SYDE2: variants seen among roughly 807,000 people sequenced by gnomAD.
SYDE2 encodes the protein synapse defective Rho GTPase homolog 2, also known as rho GTPase-activating protein SYDE2.
SYDE2 carries 76 observed loss-of-function variants against 91.5 expected under a neutral mutation model. The observed-to-expected ratio is 0.83, with a 90% confidence interval of 0.69 to 1.01. SYDE2 has a LOEUF of 1.01. SYDE2 is among the 50% of genes least tolerant of loss of function. The probability of loss-of-function intolerance (pLI) is 0.00; values close to 1 mark genes in which losing one functional copy is unlikely to be tolerated. For synonymous variants in SYDE2, 513 were observed against 506.4 expected (o/e 1.01, Z -0.18); for missense variants, 1,364 against 1,367.7 (o/e 1.00, Z 0.04).
rs778149797 is a variant in SYDE2, at chr1:85,158,805, A to C, written c.3530T>G (p.Leu1177Trp). 6.5e-6 allele frequency: 5 copies of C among 765,962 alleles called. No homozygotes were observed. The Middle Eastern group carries it at 6.9e-4, about 106-fold the overall frequency. 47.4% of individuals were successfully genotyped at this position (765,962 alleles called of 1,614,324 possible). The change falls in exon 7 of 7, where the codon TTG (leucine) becomes TGG (tryptophan). Residue 1177 changes from leucine (L) to tryptophan (W), a missense_variant. Physicochemically the swap from Leu to Trp is moderately conservative, Grantham distance 61. Transcript: ENST00000341460. ...LKDLQESIDT[L>W]IGNLERELNK... ...GAGCTCACGTTCCAGATTTCCAATC[A>C]AAGTATCAATACTTTCTTGTAGATC...
rs753600714 is a variant in SYDE2 at position 85,159,299 on chromosome 1, T to TA, written c.3086-51dup. 2,774 of 609,610 alleles carry TA rather than the reference T, an allele frequency of 4.6e-3. 1 individual carries two copies. Among genetic ancestry groups the TA allele is most frequent in the Admixed American group, 7.7e-3 (318 of 41,074 alleles). The allele number at this position is 609,610 out of a possible 1,614,324, so 37.8% of individuals were successfully genotyped here. On this transcript the variant is annotated intron_variant, in intron 6 of 6. Transcript: ENST00000341460. ...TTAGTGACAGTAATCCAACTGAACT[T>TA]AAAAAAAAAACAGAGCTAAAGATAA...
chr1:85,182,594 C>T lies in SYDE2; in HGVS notation c.2048G>A (p.Ser683Asn). ...ATCCTCAGCACCATAGAAATGTACA[C>T]TCATGAGCCCAGATATGTACTGTGA... ...KCSQYISGLM[S>N]VHFYGAEDLK... Residue 683 changes from serine (S) to asparagine (N), a missense_variant, in exon 3 of 7, where the codon AGT becomes AAT. Ser to Asn is a conservative substitution (Grantham distance 46). Transcript: ENST00000341460. 6.2e-7 allele frequency: 1 copy of T among 1,613,928 alleles called. No individual in the cohort carries two copies. Among genetic ancestry groups the T allele is most frequent in the Non-Finnish European group, 8.5e-7 (1 of 1,179,856 alleles).
intron 2 of SYDE2, among the ~76,000 whole-genome samples, chr1:85,185,001 A>T (rs1015773371): frequency 3.3e-5 from 5 of 151,796 alleles, no homozygotes; most frequent in African/African-American, 1.2e-4. Context: ...AAATTCAACC[A>T]TTTTCTTTGC....
intron 2 of SYDE2, among the ~76,000 whole-genome samples, chr1:85,188,472 C>T (rs1208646335): frequency 6.6e-6 from 1 of 152,142 alleles, no homozygotes; most frequent in East Asian, 1.9e-4. Context: ...ACATTTACTC[C>T]ACCTTCCTAT....
chr1:85,159,772 C>A (rs1656991581), intron 6 of SYDE2: 1 of 859,432 alleles, frequency 1.2e-6, no homozygotes, highest in Non-Finnish European at 1.4e-6. Context: ...CTAAGCAGAT[C>A]AAATTTCACT....
In SYDE2 at chr1:85,182,671, T is replaced by G. The variant is rs752338377; in HGVS notation, c.1971A>C (p.Glu657Asp). Residue 657 changes from glutamate (E) to aspartate (D), a missense_variant, in exon 3 of 7, where the codon GAA becomes GAC. Physicochemically the swap from Glu to Asp is conservative, Grantham distance 45. Coordinates refer to ENST00000341460, the MANE Select transcript of SYDE2 (RefSeq NM_032184.2). ...AATGCCTAAAAGCATCAATGTCTAT[T>G]TCATTCTTGCTACAACTATTTGAAA... ...EIISNSCSKN[E>D]IDIDAFRHYS... 9 of 1,613,740 alleles carry G rather than the reference T, an allele frequency of 5.6e-6. No homozygotes were observed. In the South Asian group the frequency reaches 9.9e-5, roughly 18 times the overall value.
intron 6 of SYDE2, among the ~76,000 whole-genome samples, chr1:85,163,921 A>T (rs1657167182): frequency 6.6e-6 from 1 of 152,180 alleles, no homozygotes; most frequent in Non-Finnish European, 1.5e-5. Flanking sequence ...TTAGTTATTG[A>T]TTGAAATAAG....
chr1:85,178,582 G>A (rs1032627313), intron 3 of SYDE2, among the ~76,000 whole-genome samples: 6 of 152,076 alleles, frequency 3.9e-5, no homozygotes, highest in Non-Finnish European at 7.4e-5. Flanking sequence ...AGGAATGTGC[G>A]CCCTTTCACA....
intron 4 of SYDE2, among the ~76,000 whole-genome samples, chr1:85,176,804 T>C (rs1310592552): frequency 1.3e-5 from 2 of 152,212 alleles, no homozygotes; most frequent in Non-Finnish European, 2.9e-5. Flanking sequence ...GAGACAAGTC[T>C]GTTCATGTGT....
rs967324190 is a variant in SYDE2, at chr1:85,159,012, T to C, written c.3323A>G (p.Asn1108Ser). The C allele has an allele frequency of 1.0e-5, 8 of 780,642 alleles. No individual in the cohort carries two copies. The highest frequency in any genetic ancestry group is 6.8e-5 in the African/African-American group (4 of 59,124). The allele number at this position is 780,642 out of a possible 1,614,324, so 48.4% of individuals were successfully genotyped here. Residue 1108 changes from asparagine to serine, a missense_variant, in exon 7 of 7, where the codon AAT (asparagine) becomes AGT (serine). Physicochemically the swap from Asn to Ser is conservative, Grantham distance 46. Transcript: ENST00000341460. ...NYFLNTKENLNDVDYDDVPSE... is the reference protein window; with the variant it reads ...NYFLNTKENLSDVDYDDVPSE... ...AGGGACATCATCATAATCCACATCA[T>C]TTAAATTTTCTTTTGTATTTAAAAA...
At chr1:85,184,236 G>T (rs1658041980) in intron 2 of SYDE2, among the ~76,000 whole-genome samples, 1 of 152,130 alleles carries the variant, frequency 6.6e-6, no homozygotes, top group African/African-American at 2.4e-5. Context: ...AATATTTAGT[G>T]AATAAATGAA....
intron 4 of SYDE2, among the ~76,000 whole-genome samples, chr1:85,177,705 C>A (rs1321375517): frequency 6.6e-6 from 1 of 152,130 alleles, no homozygotes; most frequent in Non-Finnish European, 1.5e-5. Flanking sequence ...CATAGAGTTG[C>A]CAGATTAATA....
At chr1:85,182,058 T>C (rs1657939376) in intron 3 of SYDE2, 40 bp downstream of exon 3, 1 of 1,508,422 alleles carries the variant, frequency 6.6e-7, no homozygotes, top group African/African-American at 1.4e-5. Flanking sequence ...AATTAATCAA[T>C]CAATAAAGGA....
rs1570287315 is a variant in SYDE2, at chr1:85,200,797, C to T, written c.200G>A (p.Arg67Lys). Residue 67 changes from arginine to lysine, a missense_variant, in exon 1 of 7, where the codon AGG becomes AAG. By Grantham distance (26) the Arg-to-Lys change is conservative. Transcript: ENST00000341460. The part of the protein sequence containing the change: ...QQVSPPRSPQ[R>K]EPRGGQLRTP... Reference sequence around the variant, plus strand: ...CCGCAGCTGGCCTCCCCGCGGCTCCCTCTGAGGCGACCGGGGCGGGGACAC... The same window carrying T: ...CCGCAGCTGGCCTCCCCGCGGCTCCTTCTGAGGCGACCGGGGCGGGGACAC... 2.1e-5 allele frequency: 31 copies of T among 1,471,336 alleles called. No individual in the cohort carries two copies. In the East Asian group the frequency reaches 8.7e-4, roughly 41 times the overall value. The allele number at this position is 1,471,336 out of a possible 1,614,324, so 91.1% of individuals were successfully genotyped here.
At chr1:85,199,783 A>G (rs572500236) in intron 1 of SYDE2, among the ~76,000 whole-genome samples, 37 of 151,944 alleles carry the variant, frequency 2.4e-4, no homozygotes, top group Non-Finnish European at 3.8e-4. Flanking sequence ...AGGCAAAAAA[A>G]AAAAGTTGTA....
Position 85,158,745 on chromosome 1 carries a change from C to G in SYDE2, c.*5G>C, listed in dbSNP as rs769855730. The stretch of plus-strand genomic sequence containing the variant: ...TTAAGACATTACAAAAAAAAACCCT[C>G]AATCTCAAAAACTCATATTAAGCTT... On this transcript the variant is annotated 3_prime_UTR_variant, in exon 7 of 7. Coordinates refer to ENST00000341460, the MANE Select transcript of SYDE2 (RefSeq NM_032184.2). 5.6e-6 allele frequency: 4 copies of G among 716,930 alleles called. No individual in the cohort carries two copies. The Admixed American group carries it at 9.6e-5, about 17-fold the overall frequency. The allele number at this position is 716,930 out of a possible 1,614,324, so 44.4% of individuals were successfully genotyped here. A position where few individuals can be genotyped will look rare whatever the true frequency, so the allele number is the denominator to read the frequency against.
At chr1:85,170,559 T>C (rs564148472) in intron 4 of SYDE2, among the ~76,000 whole-genome samples, 1 of 152,346 alleles carries the variant, frequency 6.6e-6, no homozygotes, top group South Asian at 2.1e-4. Context: ...GCCAACATGA[T>C]GCTCAAAGGA....
At position 85,182,250 on chromosome 1, in the gene SYDE2, A is replaced by G; in HGVS notation, c.2392T>C (p.Trp798Arg). The change falls in exon 3 of 7, where the codon TGG (tryptophan) becomes CGG (arginine). Residue 798 changes from tryptophan (W) to arginine (R), a missense_variant. By Grantham distance (101) the Trp-to-Arg change is moderately radical (BLOSUM62 -3). Transcript: ENST00000341460. ...IYVKVTLMEQ[W>R]ENSLHGLDIN... ...TCTAGTCCATGAAGAGAATTCTCCC[A>G]CTGTTCCATAAGAGTCACTTTCACA... 1 of 1,610,862 alleles carries G rather than the reference A, an allele frequency of 6.2e-7. No individual in the cohort carries two copies. The highest frequency in any genetic ancestry group is 2.2e-5 in the East Asian group (1 of 44,842).
Position 85,200,579 on chromosome 1 carries a change from T to A in SYDE2, c.418A>T (p.Thr140Ser), listed in dbSNP as rs746635601. The A allele has an allele frequency of 1.4e-5, 22 of 1,591,398 alleles. No individual in the cohort carries two copies. Among genetic ancestry groups the A allele is most frequent in the Middle Eastern group, 1.7e-4 (1 of 5,954 alleles). ...TTGCAGCCTGGAGGCTGGAGGCCGG[T>A]GGGTGCAGCCGCCCGGGCGCGGTCC... ...SGDRARAAAP[T>S]GLQPPGCKDH... The change falls in exon 1 of 7, where the codon ACC becomes TCC. Residue 140 changes from threonine to serine, a missense_variant. Coordinates refer to ENST00000341460, the MANE Select transcript of SYDE2 (RefSeq NM_032184.2).
Sources: allele counts gnomAD v4.1 joint callset (sites outside exome capture counted in the v4.1 genomes callset), GRCh38; gene constraint gnomAD v4.1.1; transcripts MANE v1.5; gene names NCBI Gene and HGNC (gene_info 2026-07-23, HGNC 2026-07-21).